The following PARP14 variants were observed in gnomAD, a reference collection of about 807,000 sequenced individuals.
The protein encoded by PARP14 is protein mono-ADP-ribosyltransferase PARP14.
Under a neutral mutation model 154.2 loss-of-function variants are expected in PARP14, and 59 were observed. The observed-to-expected ratio is 0.38, with a 90% CI of 0.31 to 0.48. The LOEUF (loss-of-function observed/expected upper bound fraction) is 0.48. Ranked by LOEUF, PARP14 falls within the 20% of genes least tolerant of loss-of-function variation. PARP14 has a pLI of 0.98. For synonymous variants in PARP14, 720 were observed against 780.5 expected, an observed-to-expected ratio of 0.92 and a Z score of 1.29; for missense variants, 1,734 against 2,131.6, an observed-to-expected ratio of 0.81 and a Z score of 3.67.
At chr3:122,687,472 G>A (rs992701389) in intron 3 of PARP14, among the ~76,000 whole-genome samples, 8 of 152,226 alleles carry the variant, frequency 5.3e-5, no homozygotes, top group Non-Finnish European at 1.2e-4. Flanking sequence ...GTCACATGTG[G>A]CTTAGTTGAT....
At chr3:122,715,801 C>A (rs1932983395) in intron 12 of PARP14, among the ~76,000 whole-genome samples, 1 of 152,114 alleles carries the variant, frequency 6.6e-6, no homozygotes, top group Non-Finnish European at 1.5e-5. Context: ...GCCAAGAAAG[C>A]AAGCAGCTTA....
At chr3:122,689,784 A>C (rs1938483416) in intron 3 of PARP14, among the ~76,000 whole-genome samples, 1 of 151,830 alleles carries the variant, frequency 6.6e-6, no homozygotes, top group Non-Finnish European at 1.5e-5. Context: ...CATCCTTTTC[A>C]TGGAAACCTT....
chr3:122,699,521 G>A lies in PARP14; in HGVS notation c.967G>A (p.Glu323Lys). Reference sequence around the variant, plus strand: ...TCTGATCAAGCTTCCAGCACCATTTGAAGAGTCACTAGATCTTCCCTTATG... The same window carrying A: ...TCTGATCAAGCTTCCAGCACCATTTAAAGAGTCACTAGATCTTCCCTTATG... ...KPLIKLPAPF[E>K]ESLDLPLWKF... Residue 323 changes from glutamate (E) to lysine (K), a missense_variant, in exon 6 of 17, where the codon GAA becomes AAA. Glu to Lys is a moderately conservative substitution (Grantham distance 56, BLOSUM62 1). This residue lies in a region of PARP14 where 1,646 missense variants were observed against 1,976.0 expected (regional missense o/e 0.83). Coordinates refer to ENST00000474629, the MANE Select transcript of PARP14 (RefSeq NM_017554.3). 6.2e-7 allele frequency: 1 copy of A among 1,613,968 alleles called. No homozygotes were observed. Among genetic ancestry groups the A allele is most frequent in the East Asian group, 2.2e-5 (1 of 44,878 alleles).
At chr3:122,717,403 C>T (rs1018238356) in intron 12 of PARP14, among the ~76,000 whole-genome samples, 1 of 152,196 alleles carries the variant, frequency 6.6e-6, no homozygotes, top group African/African-American at 2.4e-5. Flanking sequence ...ATGCTGAAAA[C>T]AGGAAACGCT....
chr3:122,684,325 C>T (rs1350411057), intron 1 of PARP14, among the ~76,000 whole-genome samples: 1 of 152,208 alleles, frequency 6.6e-6, no homozygotes, highest in African/African-American at 2.4e-5. Flanking sequence ...AAACTCACTT[C>T]TTCCCGTTCT....
At chr3:122,721,056 T>C (rs1021310943) in intron 15 of PARP14, 1 of 330,754 alleles carries the variant, frequency 3.0e-6, no homozygotes, top group African/African-American at 2.2e-5. Context: ...TGATTTTTTT[T>C]TCCTTGACTA....
At position 122,701,902 on chromosome 3, in the gene PARP14, A is replaced by G. The variant is rs753833771; in HGVS notation, c.3081+267A>G. On this transcript the variant is annotated intron_variant, in intron 6 of 16. Transcript: ENST00000474629. The surrounding 1 kb of genome is among the most constrained non-coding windows in gnomAD (Gnocchi z 4.0). ...AGATTTCCAGTAGATGTAAAACTCC[A>G]TAATATCACACGTTTAGACAGTTCT... 6.6e-6 allele frequency among the ~76,000 whole-genome samples: 1 copy of G among 152,228 alleles called. No homozygotes were observed.
intron 6 of PARP14, among the ~76,000 whole-genome samples, chr3:122,703,302 C>G (rs886270599): frequency 4.6e-5 from 7 of 152,134 alleles, no homozygotes. Flanking sequence ...TAGTTTACCC[C>G]CAGTGTAACA....
At chr3:122,705,182 A>G (rs1939115430) in intron 8 of PARP14, among the ~76,000 whole-genome samples, 2 of 152,228 alleles carry the variant, frequency 1.3e-5, no homozygotes, top group East Asian at 1.9e-4. Flanking sequence ...AAGTAACATA[A>G]CCACAATATT....
rs1232007114 is a variant in PARP14, at chr3:122,681,618, A to G, written c.187+548A>G. Among the ~76,000 whole-genome samples the G allele has an allele frequency of 6.6e-6, 1 of 152,050 alleles. No homozygotes were observed. Among genetic ancestry groups the G allele is most frequent in the East Asian group, 1.9e-4 (1 of 5,186 alleles). On this transcript the variant is annotated intron_variant, in intron 1 of 16. Transcript: ENST00000474629. This position sits in a 1 kb window ranked among gnomAD's most constrained non-coding sequence, Gnocchi z 5.5. ...AGAGCCGTCACAGCGGCCACATTGGAGGGGCTGTCGATCGACCACAGGTGC... is the reference window on the plus strand; with the variant it reads ...AGAGCCGTCACAGCGGCCACATTGGGGGGGCTGTCGATCGACCACAGGTGC...
chr3:122,720,735 C>A (rs1933144200), intron 15 of PARP14: 1 of 463,978 alleles, frequency 2.2e-6, no homozygotes, highest in African/African-American at 2.0e-5. Context: ...TAGATCAGGA[C>A]CATGTTACTC....
chr3:122,687,130 G>T lies in PARP14; in HGVS notation c.355+17G>T. On this transcript the variant is annotated intron_variant, in intron 3 of 16. Coordinates refer to ENST00000474629, the MANE Select transcript of PARP14 (RefSeq NM_017554.3). Reference sequence around the variant, plus strand: ...AAGAACCAGGTAAAATCTCAGTTGAGATGACTCTGACATTCACCAAGCTGT... The same window carrying T: ...AAGAACCAGGTAAAATCTCAGTTGATATGACTCTGACATTCACCAAGCTGT... The T allele has an allele frequency of 6.3e-7, 1 of 1,576,806 alleles. No homozygotes were observed. The highest frequency in any genetic ancestry group is 2.3e-5 in the East Asian group (1 of 44,276).
rs762724438 is a variant in PARP14 at position 122,713,829 on chromosome 3, G to GT, written c.3770-37dup. On this transcript the variant is annotated intron_variant, in intron 10 of 16. Transcript: ENST00000474629. The stretch of plus-strand genomic sequence containing the variant: ...CTTCTGATCCAAATATACCATAGTG[G>GT]TTTTTTACTCATGTTTGTTATCATC... 52 of 1,400,830 alleles carry GT rather than the reference G, an allele frequency of 3.7e-5. No homozygotes were observed. In the South Asian group the frequency reaches 5.5e-4, roughly 15 times the overall value. 86.8% of individuals were successfully genotyped at this position (1,400,830 alleles called of 1,614,324 possible).
At position 122,728,497 on chromosome 3, in the gene PARP14, T is replaced by C. The variant is rs765037066; in HGVS notation, c.5306T>C (p.Leu1769Pro). The C allele has an allele frequency of 6.2e-7, 1 of 1,613,534 alleles. No homozygotes were observed. Among genetic ancestry groups the C allele is most frequent in the Non-Finnish European group, 8.5e-7 (1 of 1,179,466 alleles). ...PSKNPQNPTD[L>P]YDTVTDNVHH... ...AAGAACCCTCAAAATCCTACTGACC[T>C]GTATGACACTGTCACAGATAATGTG... Residue 1769 changes from leucine (L) to proline (P), a missense_variant, in exon 17 of 17, where the codon CTG becomes CCG. By Grantham distance (98) the Leu-to-Pro change is moderately conservative. Transcript: ENST00000474629.
intron 15 of PARP14, among the ~76,000 whole-genome samples, chr3:122,726,958 C>T (rs372131564): frequency 2.6e-4 from 36 of 135,882 alleles, no homozygotes; most frequent in African/African-American, 5.4e-4. Context: ...AATTAGAGTG[C>T]GAATTGTATC....
chr3:122,713,346 G>C (rs2107650852), intron 9 of PARP14, 78 bp from the exon 10 acceptor site: 4 of 1,200,988 alleles, frequency 3.3e-6, no homozygotes, highest in South Asian at 1.5e-5. Flanking sequence ...CATCCAAGAG[G>C]GTCCCATGTG....
rs759600529 is a variant in PARP14, at chr3:122,729,282, C to A, written c.*685C>A. 1 of 152,802 alleles carries A rather than the reference C, an allele frequency of 6.5e-6. No homozygotes were observed. The highest frequency in any genetic ancestry group is 1.5e-5 in the Non-Finnish European group (1 of 68,550). The allele number at this position is 152,802 out of a possible 1,614,324, so 9.5% of individuals were successfully genotyped here. ...ACATGTGGGACAGCTCTGGCCAGGG[C>A]TCTGGGACTGCAGTGTACTTGCGCT... On this transcript the variant is annotated 3_prime_UTR_variant, in exon 17 of 17. Transcript: ENST00000474629.
intron 1 of PARP14, among the ~76,000 whole-genome samples, chr3:122,683,876 T>C (rs1200851762): frequency 1.3e-5 from 2 of 152,232 alleles, no homozygotes; most frequent in African/African-American, 4.8e-5. Context: ...TCCATGACTC[T>C]AAATAACTTG....
intron 15 of PARP14, among the ~76,000 whole-genome samples, chr3:122,724,824 T>C (rs150293472): frequency 0.032 from 4,895 of 152,086 alleles, 110 homozygotes; most frequent in Middle Eastern, 0.071. Flanking sequence ...TGTCCCTGGG[T>C]ACTTGAGATT....
Sources: gnomAD v4.1 joint callset for allele counts (sites outside exome capture counted in the v4.1 genomes callset) on GRCh38, gnomAD v4.1.1 for gene constraint, gnomAD v4.1.1 regional missense constraint, Gnocchi (gnomAD v3.1) non-coding constraint, MANE v1.5 for transcripts, NCBI Gene and HGNC (gene_info 2026-07-23, HGNC 2026-07-21) for gene names.